Variants in OSBPL1A observed in about 807,000 individuals in gnomAD.
The protein encoded by OSBPL1A is oxysterol-binding protein-related protein 1.
In OSBPL1A, 80 loss-of-function variants were observed where a neutral mutation model predicts 137.1. The ratio of observed to expected loss-of-function variants is 0.58; its 90% CI spans 0.49 to 0.70. OSBPL1A has a LOEUF of 0.70. Among genes scored for constraint, OSBPL1A ranks in the 30% least tolerant of loss-of-function variants. The pLI is 0.00. For synonymous variants in OSBPL1A, 365 were observed against 389.7 expected (o/e 0.94, Z 0.75); for missense variants, 970 against 1,129.4 (o/e 0.86, Z 2.02).
chr18:24,350,711 C>T (rs1016029178), intron 4 of OSBPL1A, among the ~76,000 whole-genome samples: 4 of 152,100 alleles, frequency 2.6e-5, no homozygotes, highest in African/African-American at 9.7e-5. Context: ...AGCTAGAAAA[C>T]GGTGACACAA....
In OSBPL1A at chr18:24,312,046, G is replaced by A. The variant is rs2146113469; in HGVS notation, c.1030C>T (p.Gln344Ter). The change falls in exon 13 of 28, where the codon CAG becomes TAG. Residue 344 changes from glutamine (Q) to a stop codon, truncating the protein, a stop_gained. Transcript: ENST00000319481. LOFTEE classifies it high-confidence loss of function. ...AYSTHYCSQD[Q>*]LTDEEEEDTV... ...TCTTCCTCCTCCTCATCAGTCAGCT[G>A]GTCCTGGGAACAGTAGTGAGTGCTG... 6.2e-7 allele frequency: 1 copy of A among 1,614,038 alleles called. No individual in the cohort carries two copies.
intron 1 of OSBPL1A, among the ~76,000 whole-genome samples, chr18:24,396,238 A>G (rs1907735229): frequency 6.6e-6 from 1 of 151,170 alleles, no homozygotes; most frequent in South Asian, 2.1e-4. Flanking sequence ...AAAAAAAAAA[A>G]AGAGACAGAG....
At chr18:24,320,209 A>G (rs983520934) in intron 7 of OSBPL1A, among the ~76,000 whole-genome samples, 5 of 152,120 alleles carry the variant, frequency 3.3e-5, no homozygotes, top group Admixed American at 6.6e-5. Context: ...TTATGTACCG[A>G]TTACTATTTT....
At chr18:24,303,512 G>A in intron 14 of OSBPL1A, 125 bp downstream of exon 14, 1 of 666,706 alleles carries the variant, frequency 1.5e-6, no homozygotes, top group Admixed American at 2.8e-5. Context: ...TTTCAAAATA[G>A]TTTTATCAAA....
At chr18:24,340,098 T>C (rs1201490555) in intron 5 of OSBPL1A, among the ~76,000 whole-genome samples, 1 of 152,200 alleles carries the variant, frequency 6.6e-6, no homozygotes, top group Non-Finnish European at 1.5e-5. Flanking sequence ...GTACCTTTAC[T>C]CATTAAGTAG....
chr18:24,287,003 A>G (rs887847614), intron 14 of OSBPL1A, among the ~76,000 whole-genome samples: 2 of 152,242 alleles, frequency 1.3e-5, no homozygotes, highest in African/African-American at 4.8e-5. Context: ...GAAGGATATT[A>G]TTATTTGGAA....
intron 13 of OSBPL1A, among the ~76,000 whole-genome samples, chr18:24,308,179 G>C (rs2090543475): frequency 6.7e-6 from 1 of 148,432 alleles, no homozygotes; most frequent in Admixed American, 6.7e-5. Flanking sequence ...GCAGTGGCGT[G>C]ATCTTGGCTC....
intron 17 of OSBPL1A, among the ~76,000 whole-genome samples, chr18:24,209,411 A>G (rs968684943): frequency 6.6e-6 from 1 of 152,236 alleles, no homozygotes; most frequent in Non-Finnish European, 1.5e-5. Flanking sequence ...GAGGATGTGG[A>G]GCAACTAAAA....
chr18:24,234,607 T>C (rs1038834613), intron 16 of OSBPL1A, among the ~76,000 whole-genome samples: 10 of 152,194 alleles, frequency 6.6e-5, no homozygotes, highest in African/African-American at 2.4e-4. Flanking sequence ...ACCTTATGAG[T>C]AGATTTCCAT....
intron 15 of OSBPL1A, among the ~76,000 whole-genome samples, chr18:24,247,857 A>G (rs2088950451): frequency 6.6e-6 from 1 of 152,204 alleles, no homozygotes; most frequent in Non-Finnish European, 1.5e-5. Context: ...TGCTCAAAAA[A>G]GGAGGAGAAA....
chr18:24,350,295 A>C (rs1199090960), intron 4 of OSBPL1A, among the ~76,000 whole-genome samples: 1 of 152,236 alleles, frequency 6.6e-6, no homozygotes, highest in African/African-American at 2.4e-5. Flanking sequence ...AATTGGGATG[A>C]TATGGTCAAA....
intron 14 of OSBPL1A, among the ~76,000 whole-genome samples, chr18:24,284,340 G>C (rs192597139): frequency 1.7e-3 from 257 of 152,226 alleles, no homozygotes; most frequent in African/African-American, 5.9e-3. Context: ...ACGCAAAAAG[G>C]CCAGTATGTT....
intron 14 of OSBPL1A, among the ~76,000 whole-genome samples, chr18:24,293,257 G>C (rs1187285138): frequency 6.6e-6 from 1 of 152,132 alleles, no homozygotes; most frequent in African/African-American, 2.4e-5. Flanking sequence ...GCACAGAGGG[G>C]GAAAGGGGAG....
intron 2 of OSBPL1A, among the ~76,000 whole-genome samples, chr18:24,372,697 C>T (rs1335861986): frequency 2.6e-5 from 4 of 152,204 alleles, no homozygotes; most frequent in Non-Finnish European, 5.9e-5. Context: ...CCTCTCACTT[C>T]CTCTGACAGC....
intron 16 of OSBPL1A, among the ~76,000 whole-genome samples, chr18:24,229,239 G>A (rs1466464648): frequency 2.6e-5 from 4 of 152,108 alleles, no homozygotes; most frequent in Non-Finnish European, 5.9e-5. Flanking sequence ...AATATAAAAT[G>A]AAGCTAGGGA....
At chr18:24,231,525 A>G (rs929849403) in intron 16 of OSBPL1A, among the ~76,000 whole-genome samples, 18 of 152,272 alleles carry the variant, frequency 1.2e-4, no homozygotes, top group Middle Eastern at 3.4e-3. Context: ...CCGGACCTCA[A>G]GTGATCCACC....
At chr18:24,371,880 A>G (rs1905667929) in intron 2 of OSBPL1A, among the ~76,000 whole-genome samples, 1 of 152,200 alleles carries the variant, frequency 6.6e-6, no homozygotes, top group African/African-American at 2.4e-5. Flanking sequence ...CCTAGCTGCC[A>G]CAGCCCTGTA....
intron 21 of OSBPL1A, among the ~76,000 whole-genome samples, chr18:24,175,405 C>T (rs762646286): frequency 1.3e-5 from 2 of 151,946 alleles, no homozygotes; most frequent in Non-Finnish European, 2.9e-5. Flanking sequence ...CCAGGCTGGT[C>T]TCTAACTCCT....
intron 5 of OSBPL1A, among the ~76,000 whole-genome samples, chr18:24,339,022 A>C (rs531983456): frequency 6.6e-6 from 1 of 151,758 alleles, no homozygotes; most frequent in Non-Finnish European, 1.5e-5. Flanking sequence ...CTCCCAGGCT[A>C]GAGTGCAGTG....
Sources: allele counts gnomAD v4.1 joint callset (sites outside exome capture counted in the v4.1 genomes callset), GRCh38; gene constraint gnomAD v4.1.1; transcripts MANE v1.5; gene names NCBI Gene and HGNC (gene_info 2026-07-23, HGNC 2026-07-21).